ANXA5: variants seen among roughly 807,000 people sequenced by gnomAD.
ANXA5 encodes CBP-I.
ANXA5 carries 40 observed loss-of-function variants against 48.1 expected under a neutral mutation model. The ratio of observed to expected loss-of-function variants is 0.83; its 90% CI spans 0.65 to 1.08. ANXA5 has a LOEUF of 1.08. ANXA5 is among the 50% of genes least tolerant of loss of function. The probability of loss-of-function intolerance (pLI) is 0.00; values close to 1 mark genes in which losing one functional copy is unlikely to be tolerated. For missense variants in ANXA5, 357 were observed against 376.8 expected (o/e 0.95, Z 0.44); for synonymous variants, 113 against 129.1 (o/e 0.88, Z 0.85).
chr4:121,677,787 G>C, intron 8 of ANXA5, 107 bp downstream of exon 8: 1 of 1,006,092 alleles, frequency 9.9e-7, no homozygotes, highest in Admixed American at 1.9e-5. Context: ...CCATTAACAA[G>C]ATTATCACTA....
At chr4:121,668,904 A>C (rs993211580) in intron 12 of ANXA5, among the ~76,000 whole-genome samples, 1 of 151,806 alleles carries the variant, frequency 6.6e-6, no homozygotes, top group Non-Finnish European at 1.5e-5. Context: ...TCACATGCAG[A>C]CATGCATGAT....
rs753101907 is a variant in ANXA5, at chr4:121,668,467, G to A, written c.*1C>T. 3.6e-5 allele frequency: 58 copies of A among 1,613,222 alleles called. No homozygotes were observed. In the Admixed American group the frequency reaches 5.8e-4, roughly 16 times the overall value. Reference sequence around the variant, plus strand: ...AGCAGGGAGCTCTTCCCCGTGACACGTTAGTCATCTTCTCCACAGAGCAGC... The same window carrying A: ...AGCAGGGAGCTCTTCCCCGTGACACATTAGTCATCTTCTCCACAGAGCAGC... On this transcript the variant is annotated 3_prime_UTR_variant, in exon 13 of 13. Coordinates refer to ENST00000296511, the MANE Select transcript of ANXA5 (RefSeq NM_001154.4).
At chr4:121,676,985 C>G (rs1003592633) in intron 8 of ANXA5, among the ~76,000 whole-genome samples, 1 of 152,110 alleles carries the variant, frequency 6.6e-6, no homozygotes, top group Admixed American at 6.5e-5. Flanking sequence ...ACAGAGAGCC[C>G]TCGGTAAACA....
At chr4:121,686,140 G>C (rs1196812761) in intron 3 of ANXA5, 148 bp downstream of exon 3, 1 of 630,296 alleles carries the variant, frequency 1.6e-6, no homozygotes, top group African/African-American at 1.9e-5. Flanking sequence ...TGGACACTCT[G>C]GTTTATAGTA....
In ANXA5 at chr4:121,689,263, T is replaced by C. The variant is rs533080151; in HGVS notation, c.10-2891A>G. The stretch of plus-strand genomic sequence containing the variant: ...GAATAAACTCTACAAGTTTTCTTAA[T>C]GTGAGAACTTAGGACTGAATGCCCC... On this transcript the variant is annotated intron_variant, in intron 2 of 12. Transcript: ENST00000296511. 2.6e-5 allele frequency among the ~76,000 whole-genome samples: 4 copies of C among 152,348 alleles called. No individual in the cohort carries two copies. In the South Asian group the frequency reaches 8.3e-4, roughly 32 times the overall value.
At chr4:121,688,122 G>A (rs971859003) in intron 2 of ANXA5, among the ~76,000 whole-genome samples, 6 of 152,112 alleles carry the variant, frequency 3.9e-5, no homozygotes, top group Non-Finnish European at 8.8e-5. Flanking sequence ...GCCTCTCTCT[G>A]CTCTGTCACG....
chr4:121,684,071 G>GGCAAATCAA (rs1205283689), intron 4 of ANXA5, among the ~76,000 whole-genome samples: 34 of 151,684 alleles, frequency 2.2e-4, no homozygotes, highest in African/African-American at 7.7e-4. Context: ...AACTAAAAAT[G>GGCAAATCAA]GTGTTTAGAA....
chr4:121,681,375 A>G lies in ANXA5; in HGVS notation c.394+296T>C, dbSNP rs1378982954. ...AAGGAGGAAAAACCATTTTTACCTT[A>G]ATGTTAACATAAAGACAACCTGTAT... On this transcript the variant is annotated intron_variant, in intron 6 of 12. Coordinates refer to ENST00000296511, the MANE Select transcript of ANXA5 (RefSeq NM_001154.4). 18 of 210,322 alleles carry G rather than the reference A, an allele frequency of 8.6e-5. No individual in the cohort carries two copies. The East Asian group carries it at 1.9e-3, about 22-fold the overall frequency. 13.0% of individuals were successfully genotyped at this position (210,322 alleles called of 1,614,324 possible).
chr4:121,688,029 G>A (rs1386282487), intron 2 of ANXA5, among the ~76,000 whole-genome samples: 1 of 152,126 alleles, frequency 6.6e-6, no homozygotes, highest in Non-Finnish European at 1.5e-5. Flanking sequence ...GAGCCTTTGC[G>A]AGATAATTAG....
intron 10 of ANXA5, among the ~76,000 whole-genome samples, chr4:121,671,110 A>C (rs2110478990): frequency 6.6e-6 from 1 of 152,308 alleles, no homozygotes; most frequent in East Asian, 1.9e-4. Flanking sequence ...AACCATCATC[A>C]CATCTTCTAT....
chr4:121,680,752 A>C (rs1227083222), intron 6 of ANXA5, among the ~76,000 whole-genome samples: 2 of 152,192 alleles, frequency 1.3e-5, no homozygotes, highest in Non-Finnish European at 2.9e-5. Context: ...ACATCAAATA[A>C]AGTTCAAAGT....
At chr4:121,672,454 G>T in intron 9 of ANXA5, 79 bp downstream of exon 9, 1 of 919,990 alleles carries the variant, frequency 1.1e-6, no homozygotes, top group Non-Finnish European at 1.8e-6. Flanking sequence ...CTGCTATGTA[G>T]CAGGTATTCT....
At chr4:121,689,791 G>A (rs17051389) in intron 2 of ANXA5, among the ~76,000 whole-genome samples, 2,799 of 152,278 alleles carry the variant, frequency 0.018, 95 homozygotes, top group African/African-American at 0.064. Flanking sequence ...GGAACCGACT[G>A]TGCAAGAGTG....
rs1461013711 is a variant in ANXA5 at position 121,674,459 on chromosome 4, A to C, written c.532-1833T>G. ...ACATGTAGATAAAATATACAAATAC[A>C]TTAACACCTAAATGGGTAAAGGACT... is the stretch of plus-strand genomic sequence containing the variant. On this transcript the variant is annotated intron_variant, in intron 8 of 12. Transcript: ENST00000296511. Among the ~76,000 whole-genome samples, 4 of 152,312 alleles carry C rather than the reference A, an allele frequency of 2.6e-5. No individual in the cohort carries two copies. The East Asian group carries it at 7.7e-4, about 29-fold the overall frequency.
At chr4:121,696,181 G>A in intron 2 of ANXA5, among the ~76,000 whole-genome samples, 1 of 149,292 alleles carries the variant, frequency 6.7e-6, no homozygotes, top group East Asian at 2.0e-4. Flanking sequence ...GTCGGGGGGC[G>A]GGGTGGGGGG....
In ANXA5 at chr4:121,683,467, T is replaced by C; in HGVS notation, c.200A>G (p.Asp67Gly). The change falls in exon 5 of 13, where the codon GAT becomes GGT. Residue 67 changes from aspartate to glycine, a missense_variant. Asp to Gly is a moderately conservative substitution (Grantham distance 94). Transcript: ENST00000296511. ...FKTLFGRDLL[D>G]DLKSELTGKF... is the part of the protein sequence containing the mutation. ...TCCAGTTAGTTCTGATTTCAGGTCA[T>C]CCAGAAGATCCTAACCCACAGAAAA... 1 of 1,590,864 alleles carries C rather than the reference T, an allele frequency of 6.3e-7. No individual in the cohort carries two copies. The highest frequency in any genetic ancestry group is 8.6e-7 in the Non-Finnish European group (1 of 1,160,466).
intron 6 of ANXA5, among the ~76,000 whole-genome samples, chr4:121,681,010 G>A (rs1368211967): frequency 6.6e-6 from 1 of 152,132 alleles, no homozygotes; most frequent in African/African-American, 2.4e-5. Flanking sequence ...TGGATAGTCT[G>A]ACCCTCCTCA....
intron 6 of ANXA5, among the ~76,000 whole-genome samples, chr4:121,681,078 T>C (rs1724786291): frequency 6.6e-6 from 1 of 152,166 alleles, no homozygotes; most frequent in African/African-American, 2.4e-5. Context: ...ACTCTCTACC[T>C]CTACTTTTTA....
Position 121,669,744 on chromosome 4 carries a change from G to T in ANXA5, c.781-20C>A. 1 of 1,441,996 alleles carries T rather than the reference G, an allele frequency of 6.9e-7. No homozygotes were observed. The highest frequency in any genetic ancestry group is 9.3e-7 in the Non-Finnish European group (1 of 1,070,676). 89.3% of individuals were successfully genotyped at this position (1,441,996 alleles called of 1,614,324 possible). On this transcript the variant is annotated intron_variant, in intron 11 of 12. Transcript: ENST00000296511. Reference sequence around the variant, plus strand: ...AGCTCCCTTTAAAAAAAAAAAAAAAGAGAGAAGCAAAATGCTTAAAAACTT... The same window carrying T: ...AGCTCCCTTTAAAAAAAAAAAAAAATAGAGAAGCAAAATGCTTAAAAACTT...
Sources: gnomAD v4.1 joint callset for allele counts (sites outside exome capture counted in the v4.1 genomes callset) on GRCh38, gnomAD v4.1.1 for gene constraint, MANE v1.5 for transcripts, NCBI Gene and HGNC (gene_info 2026-07-23, HGNC 2026-07-21) for gene names.